CDH26: variants seen among roughly 807,000 people sequenced by gnomAD.
CDH26 encodes cadherin-like protein 26.
In CDH26, 83 loss-of-function variants were observed where a neutral mutation model predicts 90.3. That is an observed-to-expected ratio of 0.92 (90% CI 0.77 to 1.10). The LOEUF (loss-of-function observed/expected upper bound fraction) is 1.10. Among genes scored for constraint, CDH26 ranks in the 50% least tolerant of loss-of-function variants. CDH26 has a pLI of 0.00. For synonymous variants in CDH26, 397 were observed against 396.3 expected (o/e 1.00, Z -0.02); for missense variants, 1,013 against 1,037.6 (o/e 0.98, Z 0.33).
intron 1 of CDH26, among the ~76,000 whole-genome samples, chr20:59,963,380 A>G (rs1033879266): frequency 1.3e-5 from 2 of 151,142 alleles, no homozygotes; most frequent in Non-Finnish European, 2.9e-5. Flanking sequence ...CCTCCCAAGT[A>G]GCTGGAACTA....
chr20:60,010,153 AG>A (rs938281624), intron 17 of CDH26, among the ~76,000 whole-genome samples: 1 of 146,924 alleles, frequency 6.8e-6, no homozygotes, highest in Admixed American at 6.7e-5. Context: ...AACCAGAGGA[AG>A]CTGGAGACAG....
rs115580533 is a variant in CDH26 at position 59,983,078 on chromosome 20, C to T, written c.541+8C>T. 1,320 of 1,612,184 alleles carry T rather than the reference C, an allele frequency of 8.2e-4. 9 individuals are homozygous for T. The African/African-American group carries it at 0.016, about 19-fold the overall frequency. On this transcript the variant is annotated splice_region_variant and intron_variant, in intron 5 of 17. Transcript: ENST00000348616. ...AAGAAAACCAATCTGCAGGTGTGTG[C>T]GGCTGGGGGGCTGCCGGGCTTCCTT...
Position 59,971,958 on chromosome 20 carries a change from C to A in CDH26, c.232-4C>A. On this transcript the variant is annotated splice_polypyrimidine_tract_variant and splice_region_variant and intron_variant, in intron 3 of 17. Coordinates refer to ENST00000348616, the MANE Select transcript of CDH26 (RefSeq NM_177980.4). ...TTTCTTCTTTCCATTTTTCCTCCTTCCAGCTGTTCAATAATATGTCTTATA... is the reference window on the plus strand; with the variant it reads ...TTTCTTCTTTCCATTTTTCCTCCTTACAGCTGTTCAATAATATGTCTTATA... 6.2e-7 allele frequency: 1 copy of A among 1,609,594 alleles called. No homozygotes were observed. Among genetic ancestry groups the A allele is most frequent in the African/African-American group, 1.3e-5 (1 of 74,826 alleles).
At chr20:59,970,795 G>A (rs1051651692) in intron 3 of CDH26, among the ~76,000 whole-genome samples, 6 of 150,306 alleles carry the variant, frequency 4.0e-5, no homozygotes, top group African/African-American at 1.5e-4. Flanking sequence ...GGGCGACAGC[G>A]AGACTCTGTC....
At chr20:60,015,193 C>T (rs2061894701), downstream of CDH26, among the ~76,000 whole-genome samples, 1 of 152,178 alleles carries the variant, frequency 6.6e-6, no homozygotes, top group African/African-American at 2.4e-5. Context: ...GCCATGTTGG[C>T]CAGGCTGGTC....
At chr20:59,986,914 T>C (rs1046733512) in intron 7 of CDH26, among the ~76,000 whole-genome samples, 1 of 152,178 alleles carries the variant, frequency 6.6e-6, no homozygotes, top group Admixed American at 6.5e-5. Context: ...TTTCCTGGCT[T>C]GGTAAAAAGC....
rs113020496 is a variant in CDH26, at chr20:60,032,492, G to A, written c.1144-994G>A. Reference sequence around the variant, plus strand: ...AAACTCATTTAGATGATGGAATTACGAAGAACTTGAATGTGGGCCTAACAT... The same window carrying A: ...AAACTCATTTAGATGATGGAATTACAAAGAACTTGAATGTGGGCCTAACAT... On this transcript the variant is annotated intron_variant, in intron 8 of 8. Coordinates refer to the CDH26 transcript ENST00000370991. 9.8e-4 allele frequency among the ~76,000 whole-genome samples: 149 copies of A among 152,264 alleles called. 1 individual carries two copies. Among genetic ancestry groups the A allele is most frequent in the African/African-American group, 3.3e-3 (137 of 41,534 alleles).
At position 59,992,362 on chromosome 20, in the gene CDH26, G is replaced by A. The variant is rs376934015; in HGVS notation, c.1284-16G>A. On this transcript the variant is annotated splice_polypyrimidine_tract_variant and intron_variant, in intron 9 of 17. Coordinates refer to ENST00000348616, the MANE Select transcript of CDH26 (RefSeq NM_177980.4). The surrounding 1 kb of genome is among the most constrained non-coding windows in gnomAD (Gnocchi z 5.0). ...TTTTTAATTTTAAAAATTGCTGTCCGTTTTCCTTCTACAAGATATGAACTG... is the reference window on the plus strand; with the variant it reads ...TTTTTAATTTTAAAAATTGCTGTCCATTTTCCTTCTACAAGATATGAACTG... 4.0e-5 allele frequency: 64 copies of A among 1,597,276 alleles called. No homozygotes were observed. Among genetic ancestry groups the A allele is most frequent in the East Asian group, 2.2e-4 (10 of 44,730 alleles).
chr20:59,993,687 A>G (rs1041620605), intron 10 of CDH26, among the ~76,000 whole-genome samples: 1 of 152,208 alleles, frequency 6.6e-6, no homozygotes, highest in African/African-American at 2.4e-5. Flanking sequence ...GGTTGGCTCC[A>G]TATATTTGCA....
At position 60,021,916 on chromosome 20, in the gene CDH26, A is replaced by ACTATTTTCAATATATATATC. The variant is rs2061961501; in HGVS notation, c.948-9315_948-9314insCTATTTTCAATATATATATC. Among the ~76,000 whole-genome samples, 2 of 96,074 alleles carry ACTATTTTCAATATATATATC rather than the reference A, an allele frequency of 2.1e-5. 1 individual carries two copies. Among genetic ancestry groups the ACTATTTTCAATATATATATC allele is most frequent in the Non-Finnish European group, 5.1e-5 (2 of 39,522 alleles). 63.0% of individuals were successfully genotyped at this position (96,074 alleles called of 152,430 possible). On this transcript the variant is annotated intron_variant, in intron 7 of 8. Coordinates refer to the CDH26 transcript ENST00000370991. ...CACACACATATATATATATATATAT[A>ACTATTTTCAATATATATATC]TCCTGACTATTTTCATAGGCCTTTC...
At position 59,958,673 on chromosome 20, in the gene CDH26, C is replaced by A; in HGVS notation, c.-54C>A. 6.4e-7 allele frequency: 1 copy of A among 1,557,300 alleles called. No homozygotes were observed. The highest frequency in any genetic ancestry group is 8.9e-7 in the Non-Finnish European group (1 of 1,129,032). On this transcript the variant is annotated 5_prime_UTR_variant, in exon 1 of 18. Transcript: ENST00000348616. ...TGTGTGGCTCCGGTGAGACCACCAG[C>A]TTGGAGGACTGGTCATCAGCTGCAC...
At chr20:59,987,838 A>G (rs1275517726) in intron 8 of CDH26, among the ~76,000 whole-genome samples, 200 bp downstream of exon 8, 1 of 152,210 alleles carries the variant, frequency 6.6e-6, no homozygotes, top group Non-Finnish European at 1.5e-5. Flanking sequence ...TCCTACCAAA[A>G]TGATATCAAT....
chr20:60,027,086 G>A (rs1269262846), intron 7 of CDH26, among the ~76,000 whole-genome samples: 3 of 152,184 alleles, frequency 2.0e-5, no homozygotes, highest in Non-Finnish European at 4.4e-5. Flanking sequence ...GCGGAGGGTA[G>A]GGGCAGTAGG....
chr20:59,967,035 A>G (rs2061158240), intron 1 of CDH26, among the ~76,000 whole-genome samples: 1 of 152,196 alleles, frequency 6.6e-6, no homozygotes, highest in Admixed American at 6.5e-5. Context: ...GTGAACCATT[A>G]TTTAAAAGTC....
intron 13 of CDH26, 152 bp downstream of exon 13, chr20:59,996,913 A>G: frequency 3.2e-6 from 3 of 949,506 alleles, no homozygotes; most frequent in South Asian, 3.3e-5. Context: ...TGCAAATACT[A>G]TCTAACTCAG....
intron 8 of CDH26, chr20:60,033,402 AAATGCTTAGTG>A: frequency 8.0e-7 from 1 of 1,250,658 alleles, no homozygotes; most frequent in Non-Finnish European, 1.0e-6. Flanking sequence ...AATACTTATC[AAATGCTTAGTG>A]AATGCTAAGC....
chr20:59,980,377 C>A, intron 4 of CDH26, among the ~76,000 whole-genome samples: 1 of 152,038 alleles, frequency 6.6e-6, no homozygotes, highest in East Asian at 1.9e-4. Flanking sequence ...TCACTGCAAC[C>A]TCCACCTTCT....
intron 9 of CDH26, among the ~76,000 whole-genome samples, chr20:59,990,691 A>G (rs566205220): frequency 1.3e-5 from 2 of 152,210 alleles, no homozygotes; most frequent in East Asian, 3.9e-4. Context: ...TCATTTTTGC[A>G]GTTATCTCAT....
chr20:60,012,253 G>A lies in CDH26; in HGVS notation c.2296-274G>A, dbSNP rs536505845. Among the ~76,000 whole-genome samples the A allele has an allele frequency of 2.3e-3, 356 of 152,172 alleles. 4 individuals carry two copies. The highest frequency in any genetic ancestry group is 3.7e-3 in the Non-Finnish European group (253 of 68,004). ...CCTCAAGGAATGAATCTGCAAGAGG[G>A]TGGGAGCAGGTGGGAGGTCCTCCTG... On this transcript the variant is annotated intron_variant, in intron 17 of 17. Transcript: ENST00000348616.
Sources: gnomAD v4.1 joint callset for allele counts (sites outside exome capture counted in the v4.1 genomes callset) on GRCh38, gnomAD v4.1.1 for gene constraint, Gnocchi (gnomAD v3.1) non-coding constraint, MANE v1.5 for transcripts, NCBI Gene and HGNC (gene_info 2026-07-23, HGNC 2026-07-21) for gene names.